Variants in SSMEM1 observed in about 807,000 individuals in gnomAD.
SSMEM1 encodes serine-rich single-pass membrane protein 1.
Under a neutral mutation model 9.9 loss-of-function variants are expected in SSMEM1, and 12 were observed. The ratio of observed to expected loss-of-function variants is 1.21; its 90% confidence interval spans 0.78 to 1.96. The LOEUF (loss-of-function observed/expected upper bound fraction) is 1.96, where lower values mean the gene tolerates loss of function less well. Among genes scored for constraint, SSMEM1 ranks in the 30% most tolerant of loss-of-function variants. The pLI is 0.00. For missense variants in SSMEM1, 259 were observed against 292.2 expected (o/e 0.89, Z 0.83); for synonymous variants, 96 against 98.9 (o/e 0.97, Z 0.17).
chr7:130,213,692 C>CAAAAAAAAAAAA (rs1179465068), intron 2 of SSMEM1, among the ~76,000 whole-genome samples, 158 bp downstream of exon 2: 23 of 79,648 alleles, frequency 2.9e-4, no homozygotes, highest in Middle Eastern at 0.018. Flanking sequence ...GACCCAGTAC[C>CAAAAAAAAAAAA]AAAAAAAAAA....
In SSMEM1 at chr7:130,216,503, A is replaced by T. The variant is rs373989803; in HGVS notation, c.*33A>T. On this transcript the variant is annotated 3_prime_UTR_variant, in exon 3 of 3. Coordinates refer to ENST00000297819, the MANE Select transcript of SSMEM1 (RefSeq NM_145268.4). Reference sequence around the variant, plus strand: ...CACGTTCTTCCTTCACTTGAAGCCAAATGAAAGAGATGAATAAAACATGAA... The same window carrying T: ...CACGTTCTTCCTTCACTTGAAGCCATATGAAAGAGATGAATAAAACATGAA... The T allele has an allele frequency of 1.9e-6, 3 of 1,593,430 alleles. No homozygotes were observed. The highest frequency in any genetic ancestry group is 2.6e-6 in the Non-Finnish European group (3 of 1,169,004).
chr7:130,207,755 A>C (rs770216670), upstream of SSMEM1: 1 of 788,750 alleles, frequency 1.3e-6, no homozygotes. Flanking sequence ...CAAACTTAGA[A>C]GTCCAAGAAG....
intron 1 of SSMEM1, among the ~76,000 whole-genome samples, chr7:130,209,789 A>G (rs375539589): frequency 1.3e-5 from 2 of 152,178 alleles, no homozygotes; most frequent in Non-Finnish European, 2.9e-5. Context: ...CATGTTGGCC[A>G]GGCTGGTGTC....
At chr7:130,210,339 C>G (rs992215975) in intron 1 of SSMEM1, among the ~76,000 whole-genome samples, 1 of 152,074 alleles carries the variant, frequency 6.6e-6, no homozygotes, top group Non-Finnish European at 1.5e-5. Context: ...TGAACTTCTT[C>G]ATTTTCTCTG....
Position 130,216,088 on chromosome 7 carries a change from C to G in SSMEM1, c.353C>G (p.Ala118Gly), listed in dbSNP as rs1562907669. ...ACCCCTGTAACCAACTCAGAAGTGG[C>G]TTTGGTCAATGCCTATCCTGAACAA... ...QLTPVTNSEV[A>G]LVNAYPEQRR... is the part of the protein sequence containing the mutation. The change falls in exon 3 of 3, where the codon GCT (alanine) becomes GGT (glycine). Residue 118 changes from alanine to glycine, a missense_variant. Physicochemically the swap from Ala to Gly is moderately conservative, Grantham distance 60. Coordinates refer to ENST00000297819, the MANE Select transcript of SSMEM1 (RefSeq NM_145268.4). 1 of 1,614,210 alleles carries G rather than the reference C, an allele frequency of 6.2e-7. No individual in the cohort carries two copies. Among genetic ancestry groups the G allele is most frequent in the Admixed American group, 1.7e-5 (1 of 60,014 alleles).
At position 130,216,427 on chromosome 7, in the gene SSMEM1, A is replaced by T; in HGVS notation, c.692A>T (p.Glu231Val). The T allele has an allele frequency of 6.2e-7, 1 of 1,614,044 alleles. No individual in the cohort carries two copies. Residue 231 changes from glutamate to valine, a missense_variant, in exon 3 of 3, where the codon GAA becomes GTA. Coordinates refer to ENST00000297819, the MANE Select transcript of SSMEM1 (RefSeq NM_145268.4). The part of the protein sequence containing the change: ...TPPMKRDSQE[E>V]SSISDINKKF... ...CCAATGAAAAGAGACAGTCAAGAGG[A>T]AAGTTCCATATCTGACATTAACAAG...
intron 2 of SSMEM1, among the ~76,000 whole-genome samples, 154 bp downstream of exon 2, chr7:130,213,688 G>A (rs1798641307): frequency 2.0e-4 from 2 of 10,186 alleles, no homozygotes; most frequent in African/African-American, 2.7e-4. Flanking sequence ...GTGAGACCCA[G>A]TACCAAAAAA....
At chr7:130,205,491 C>G (rs1050035278), upstream of SSMEM1, 4 of 1,538,308 alleles carry the variant, frequency 2.6e-6, no homozygotes, top group Non-Finnish European at 3.6e-6. Context: ...ACTAGGTAGT[C>G]TCTTCTCGCG....
rs1486785261 is a variant in SSMEM1 at position 130,216,460 on chromosome 7, G to A, written c.725G>A (p.Ser242Asn). 5 of 1,607,848 alleles carry A rather than the reference G, an allele frequency of 3.1e-6. No homozygotes were observed. The highest frequency in any genetic ancestry group is 4.3e-6 in the Non-Finnish European group (5 of 1,175,652). Reference sequence around the variant, plus strand: ...ATATCTGACATTAACAAGAAATTTAGTAAATTTTGAATTTTATCACGTTCT... The same window carrying A: ...ATATCTGACATTAACAAGAAATTTAATAAATTTTGAATTTTATCACGTTCT... ...SSISDINKKF[S>N]KF The change falls in exon 3 of 3, where the codon AGT (serine) becomes AAT (asparagine). Residue 242 changes from serine to asparagine, a missense_variant. Physicochemically the swap from Ser to Asn is conservative, Grantham distance 46 (BLOSUM62 1). Transcript: ENST00000297819.
chr7:130,214,703 T>G (rs1403846108), intron 2 of SSMEM1, among the ~76,000 whole-genome samples: 1 of 152,176 alleles, frequency 6.6e-6, no homozygotes, highest in Non-Finnish European at 1.5e-5. Flanking sequence ...GTGATGTGAG[T>G]GACTTCTTTG....
chr7:130,216,019 G>A lies in SSMEM1; in HGVS notation c.284G>A (p.Trp95Ter), dbSNP rs886231976. The A allele has an allele frequency of 6.2e-7, 1 of 1,614,178 alleles. No individual in the cohort carries two copies. Residue 95 changes from tryptophan to a stop codon, truncating the protein, a stop_gained, in exon 3 of 3, where the codon TGG becomes TAG. Transcript: ENST00000297819. LOFTEE classifies it low-confidence loss of function (END_TRUNC). ...SCKRQSKDSA[W>*]DPSQTMKKPK... ...AAGCGGCAAAGCAAAGACAGTGCCTGGGATCCCTCACAAACAATGAAGAAA... is the reference window on the plus strand; with the variant it reads ...AAGCGGCAAAGCAAAGACAGTGCCTAGGATCCCTCACAAACAATGAAGAAA...
chr7:130,207,122 C>G (rs1165294396), upstream of SSMEM1: 1 of 156,572 alleles, frequency 6.4e-6, no homozygotes, highest in East Asian at 1.9e-4. Flanking sequence ...CCCTCTTAAT[C>G]TATAAGCTGT....
chr7:130,210,510 A>G (rs1798571558), intron 1 of SSMEM1, among the ~76,000 whole-genome samples: 1 of 152,274 alleles, frequency 6.6e-6, no homozygotes, highest in South Asian at 2.1e-4. Flanking sequence ...TAAATACTAT[A>G]TTTAGTTTAT....
In SSMEM1 at chr7:130,216,792, G is replaced by A. The variant is rs528548986; in HGVS notation, c.*322G>A. 77 of 284,168 alleles carry A rather than the reference G, an allele frequency of 2.7e-4. 1 individual carries two copies. The South Asian group carries it at 4.2e-3, about 16-fold the overall frequency. 17.6% of individuals were successfully genotyped at this position (284,168 alleles called of 1,614,324 possible). A position where few individuals can be genotyped will look rare whatever the true frequency, so the allele number is the denominator to read the frequency against. The stretch of plus-strand genomic sequence containing the variant: ...GAGTGTATGTATTTTGTTTATGTCT[G>A]TAATATGAATAAGAAAGCTCTTTGA... On this transcript the variant is annotated 3_prime_UTR_variant, in exon 3 of 3. Transcript: ENST00000297819.
chr7:130,207,664 A>C, upstream of SSMEM1: 1 of 580,786 alleles, frequency 1.7e-6, no homozygotes, highest in Non-Finnish European at 3.1e-6. Context: ...TTAGGAAAAA[A>C]AATTAAGGCA....
At chr7:130,207,364 C>G (rs768885423), upstream of SSMEM1, among the ~76,000 whole-genome samples, 43 of 152,146 alleles carry the variant, frequency 2.8e-4, no homozygotes, top group Non-Finnish European at 3.1e-4. Flanking sequence ...TTTCTGTGCT[C>G]GTGAATCCTT....
chr7:130,205,573 C>T (rs1404314253), upstream of SSMEM1: 4 of 737,774 alleles, frequency 5.4e-6, no homozygotes, highest in Admixed American at 2.4e-5. Context: ...TTGCGGCTCC[C>T]ACTCAGCTGC....
At chr7:130,213,439 A>C in intron 1 of SSMEM1, 41 bp from the exon 2 acceptor site, 1 of 1,575,040 alleles carries the variant, frequency 6.3e-7, no homozygotes, top group Non-Finnish European at 8.7e-7. Context: ...TTATCAAAAA[A>C]CAACTGAGAT....
chr7:130,205,917 C>T (rs1798448113), upstream of SSMEM1, among the ~76,000 whole-genome samples: 1 of 152,072 alleles, frequency 6.6e-6, no homozygotes. Context: ...CTCAAGGGAT[C>T]CGCCCGCCTC....
Sources: gnomAD v4.1 joint callset for allele counts (sites outside exome capture counted in the v4.1 genomes callset) on GRCh38, gnomAD v4.1.1 for gene constraint, MANE v1.5 for transcripts, NCBI Gene and HGNC (gene_info 2026-07-23, HGNC 2026-07-21) for gene names.